PWWP3A: variants seen among roughly 807,000 people sequenced by gnomAD.
The protein encoded by PWWP3A is PWWP domain containing 3A, DNA repair factor.
Under a neutral mutation model 79.0 loss-of-function variants are expected in PWWP3A, and 53 were observed. The ratio of observed to expected loss-of-function variants is 0.67; its 90% confidence interval spans 0.54 to 0.84. The LOEUF is 0.84. PWWP3A is among the 40% of genes least tolerant of loss of function. The probability of loss-of-function intolerance (pLI) is 0.00; values close to 1 mark genes in which losing one functional copy is unlikely to be tolerated. For missense variants in PWWP3A, 973 were observed against 948.0 expected (o/e 1.03, Z -0.35); for synonymous variants, 443 against 394.4 (o/e 1.12, Z -1.46).
In PWWP3A at chr19:1,360,785, C is replaced by T. The variant is rs961418043; in HGVS notation, c.864C>T (p.Pro288=). ...TCACTGCGCCCCCAGCCCCTGAGCC[C>T]TCGGCCTGCTCAGAGCCTGGAGAAT... is the stretch of plus-strand genomic sequence containing the variant. ...GSLTAPPAPE[P]SACSEPGECP... The change falls in exon 5 of 14, where the codon CCC becomes CCT. Residue 288 remains proline (P), a synonymous_variant. Coordinates refer to ENST00000591337, the MANE Select transcript of PWWP3A (RefSeq NM_001369789.1). This position sits in a 1 kb window ranked among gnomAD's most constrained non-coding sequence, Gnocchi z 4.4. 1 of 1,605,462 alleles carries T rather than the reference C, an allele frequency of 6.2e-7. No individual in the cohort carries two copies.
intron 1 of PWWP3A, among the ~76,000 whole-genome samples, chr19:1,355,675 C>G (rs1258645555): frequency 1.3e-5 from 2 of 151,392 alleles, no homozygotes; most frequent in Non-Finnish European, 2.9e-5. Context: ...GCCTGGACCC[C>G]TACTTCTGCT....
rs1195773520 is a variant in PWWP3A, at chr19:1,355,026, C to CGCGGGCGGCGCGGACGGCAGCGGTTG, written c.-170_-145dup. On this transcript the variant is annotated 5_prime_UTR_variant, in exon 1 of 14. Coordinates refer to ENST00000591337, the MANE Select transcript of PWWP3A (RefSeq NM_001369789.1). ...CGGCGGCGGTGGCGGAGGCGGTGAG[C>CGCGGGCGGCGCGGACGGCAGCGGTTG]GCGGGCGGCGCGGACGGCAGCGGTT... 2 of 150,040 alleles carry CGCGGGCGGCGCGGACGGCAGCGGTTG rather than the reference C, an allele frequency of 1.3e-5. No homozygotes were observed. Among genetic ancestry groups the CGCGGGCGGCGCGGACGGCAGCGGTTG allele is most frequent in the Non-Finnish European group, 1.5e-5 (1 of 67,726 alleles). The allele number at this position is 150,040 out of a possible 1,614,324, so 9.3% of individuals were successfully genotyped here.
chr19:1,370,534 G>A (rs556694223), intron 11 of PWWP3A, 108 bp from the exon 12 acceptor site: 404 of 1,020,308 alleles, frequency 4.0e-4, no homozygotes, highest in Non-Finnish European at 5.0e-4. Flanking sequence ...CGATCGCTAG[G>A]GTCTGCCCCC....
At chr19:1,362,781 G>T (rs945338217) in intron 6 of PWWP3A, among the ~76,000 whole-genome samples, 10 of 152,252 alleles carry the variant, frequency 6.6e-5, no homozygotes, top group Non-Finnish European at 8.8e-5. Flanking sequence ...CAGCCCAAGA[G>T]TGAACTGCTC....
At chr19:1,376,114 G>C (rs2082386105) in intron 13 of PWWP3A, among the ~76,000 whole-genome samples, 1 of 130,800 alleles carries the variant, frequency 7.6e-6, no homozygotes, top group South Asian at 2.5e-4. Context: ...TGGACTCTCT[G>C]TCATACTCTT....
chr19:1,375,063 A>C (rs1480646533), intron 13 of PWWP3A, among the ~76,000 whole-genome samples: 2 of 151,732 alleles, frequency 1.3e-5, no homozygotes, highest in Non-Finnish European at 2.9e-5. Flanking sequence ...TACTTTAAAA[A>C]AAAAAAAAAA....
chr19:1,360,802 C>T lies in PWWP3A; in HGVS notation c.881C>T (p.Pro294Leu). The T allele has an allele frequency of 1.3e-6, 2 of 1,593,088 alleles. No individual in the cohort carries two copies. The highest frequency in any genetic ancestry group is 1.7e-6 in the Non-Finnish European group (2 of 1,170,600). Reference protein sequence around the residue: ...PAPEPSACSEPGECPAKKRPR... With the variant: ...PAPEPSACSELGECPAKKRPR... ...CCTGAGCCCTCGGCCTGCTCAGAGC[C>T]TGGAGAATGCCCTGCGAAAAAGAGG... Residue 294 changes from proline to leucine, a missense_variant, in exon 5 of 14, where the codon CCT becomes CTT. Pro to Leu is a moderately conservative substitution (Grantham distance 98, BLOSUM62 -3). Coordinates refer to ENST00000591337, the MANE Select transcript of PWWP3A (RefSeq NM_001369789.1). This position sits in a 1 kb window ranked among gnomAD's most constrained non-coding sequence, Gnocchi z 4.4.
At position 1,358,390 on chromosome 19, in the gene PWWP3A, G is replaced by C; in HGVS notation, c.144-4G>C. ...GGTGTGTAACGTCGATTTTGTCTCT[G>C]CAGAATTAAGGTGAAAAGCACTGAA... On this transcript the variant is annotated splice_polypyrimidine_tract_variant and splice_region_variant and intron_variant, in intron 3 of 13. Coordinates refer to ENST00000591337, the MANE Select transcript of PWWP3A (RefSeq NM_001369789.1). The C allele has an allele frequency of 4.3e-6, 7 of 1,613,090 alleles. No homozygotes were observed. Among genetic ancestry groups the C allele is most frequent in the Non-Finnish European group, 5.9e-6 (7 of 1,179,366 alleles).
At chr19:1,358,811 T>A in intron 4 of PWWP3A, 2 of 614,140 alleles carry the variant, frequency 3.3e-6, no homozygotes, top group South Asian at 1.5e-5. Flanking sequence ...CTTCCTATAG[T>A]AAGATTTGCT....
chr19:1,375,499 T>A (rs1297693787), intron 13 of PWWP3A, among the ~76,000 whole-genome samples: 9 of 112,732 alleles, frequency 8.0e-5, no homozygotes, highest in East Asian at 2.3e-4. Flanking sequence ...AATATATAAA[T>A]TTTATATATA....
chr19:1,370,357 T>C (rs574143842), intron 11 of PWWP3A, among the ~76,000 whole-genome samples: 1 of 152,350 alleles, frequency 6.6e-6, no homozygotes, highest in East Asian at 1.9e-4. Flanking sequence ...GGAGTGGACG[T>C]GGCTGAATTG....
rs562384473 is a variant in PWWP3A at position 1,373,490 on chromosome 19, A to G, written c.2075+330A>G. On this transcript the variant is annotated intron_variant, in intron 13 of 13. Transcript: ENST00000591337. ...TTTCCTCCCCTCTTTCCACAGCCCC[A>G]TGGCTGTGTGAGAAATACAGCAAGA... The G allele has an allele frequency of 3.1e-5, 10 of 324,178 alleles. No homozygotes were observed. In the South Asian group the frequency reaches 4.3e-4, roughly 14 times the overall value. The allele number at this position is 324,178 out of a possible 1,614,324, so 20.1% of individuals were successfully genotyped here. A position where few individuals can be genotyped will look rare whatever the true frequency, so the allele number is the denominator to read the frequency against.
chr19:1,364,314 G>A (rs2082083740), intron 6 of PWWP3A, 195 bp from the exon 7 acceptor site: 1 of 690,074 alleles, frequency 1.4e-6, no homozygotes, highest in Non-Finnish European at 2.7e-6. Context: ...CTCATCATTG[G>A]TGGTTAGACT....
intron 1 of PWWP3A, among the ~76,000 whole-genome samples, chr19:1,356,026 G>C (rs551216998): frequency 3.3e-5 from 5 of 152,262 alleles, no homozygotes; most frequent in Middle Eastern, 3.4e-3. Context: ...GTCGGAGGCA[G>C]GTCTTCCGCA....
chr19:1,367,035 A>G, intron 8 of PWWP3A, 125 bp from the exon 9 acceptor site: 1 of 705,322 alleles, frequency 1.4e-6, no homozygotes, highest in South Asian at 1.9e-5. Flanking sequence ...GTCACCTTCC[A>G]TAAATAAGCT....
Position 1,370,723 on chromosome 19 carries a change from C to T in PWWP3A, c.1631C>T (p.Pro544Leu), listed in dbSNP as rs2082235958. 6.8e-7 allele frequency: 1 copy of T among 1,468,386 alleles called. No individual in the cohort carries two copies. The highest frequency in any genetic ancestry group is 9.0e-7 in the Non-Finnish European group (1 of 1,107,966). 91.0% of individuals were successfully genotyped at this position (1,468,386 alleles called of 1,614,324 possible). A position where few individuals can be genotyped will look rare whatever the true frequency, so the allele number is the denominator to read the frequency against. ...PQLSKGSPEE[P>L]VVGCPLGQRQ... ...CTGAGCAAGGGGAGCCCCGAGGAGC[C>T]CGTGGTGGGGTGCCCCCTGGGGCAG... Residue 544 changes from proline to leucine, a missense_variant, in exon 12 of 14, where the codon CCC (proline) becomes CTC (leucine). Pro to Leu is a moderately conservative substitution (Grantham distance 98). Coordinates refer to ENST00000591337, the MANE Select transcript of PWWP3A (RefSeq NM_001369789.1).
intron 1 of PWWP3A, 63 bp from the exon 2 acceptor site, chr19:1,356,261 C>A: frequency 1.2e-6 from 1 of 841,754 alleles, no homozygotes; most frequent in Non-Finnish European, 2.0e-6. Context: ...CCCCTGAGGG[C>A]TGTGTCTGCG....
At chr19:1,363,686 AATTG>A (rs1600107814) in intron 6 of PWWP3A, among the ~76,000 whole-genome samples, 1 of 152,042 alleles carries the variant, frequency 6.6e-6, no homozygotes, top group African/African-American at 2.4e-5. Context: ...CCGGCCTCTG[AATTG>A]ATTGTTTGTC....
chr19:1,370,507 C>T (rs983677677), intron 11 of PWWP3A, 135 bp from the exon 12 acceptor site: 22 of 763,368 alleles, frequency 2.9e-5, no homozygotes, highest in African/African-American at 1.4e-4. Flanking sequence ...GCTCCACTCC[C>T]GTGCTAACAC....
Sources: allele counts gnomAD v4.1 joint callset (sites outside exome capture counted in the v4.1 genomes callset), GRCh38; gene constraint gnomAD v4.1.1; non-coding constraint Gnocchi (gnomAD v3.1); transcripts MANE v1.5; gene names NCBI Gene and HGNC (gene_info 2026-07-23, HGNC 2026-07-21).